Variants in TNR observed in about 807,000 individuals in gnomAD.
The protein encoded by TNR is tenascin-R.
Under a neutral mutation model 150.4 loss-of-function variants are expected in TNR, and 45 were observed. The observed-to-expected ratio is 0.30, with a 90% confidence interval of 0.24 to 0.38. TNR has a LOEUF of 0.38. TNR is among the 10% of genes least tolerant of loss of function. The pLI is 1.00. For missense variants in TNR, 1,544 were observed against 1,759.1 expected, an observed-to-expected ratio of 0.88 and a Z score of 2.19; for synonymous variants, 687 against 678.4, an observed-to-expected ratio of 1.01 and a Z score of -0.20.
At chr1:175,374,056 G>A (rs1198719235) in intron 9 of TNR, among the ~76,000 whole-genome samples, 1 of 152,212 alleles carries the variant, frequency 6.6e-6, no homozygotes, top group African/African-American at 2.4e-5. Flanking sequence ...CCCTGTGCCT[G>A]GTCCTTTCCT....
At chr1:175,592,908 A>T (rs1425252112) in intron 1 of TNR, among the ~76,000 whole-genome samples, 1 of 152,202 alleles carries the variant, frequency 6.6e-6, no homozygotes, top group Non-Finnish European at 1.5e-5. Flanking sequence ...GAAATTCTTC[A>T]AGGGCAAACT....
intron 1 of TNR, among the ~76,000 whole-genome samples, chr1:175,708,906 G>A (rs993977463): frequency 9.9e-5 from 15 of 152,140 alleles, no homozygotes; most frequent in Non-Finnish European, 5.9e-5. Context: ...CAGCTCTGGA[G>A]GGGAAAAGGA....
intron 1 of TNR, among the ~76,000 whole-genome samples, chr1:175,632,589 T>C (rs1664358960): frequency 6.6e-6 from 1 of 152,250 alleles, no homozygotes; most frequent in Admixed American, 6.5e-5. Flanking sequence ...TACTTCTGTA[T>C]ATTTGTAAAG....
intron 2 of TNR, among the ~76,000 whole-genome samples, chr1:175,447,692 G>A (rs887038335): frequency 2.0e-5 from 3 of 152,074 alleles, no homozygotes; most frequent in African/African-American, 7.2e-5. Context: ...GTTGTTGTTA[G>A]TTGCTTTCTA....
chr1:175,408,821 T>C (rs1654074635), intron 2 of TNR, among the ~76,000 whole-genome samples: 1 of 152,252 alleles, frequency 6.6e-6, no homozygotes, highest in South Asian at 2.1e-4. Context: ...GTTCTTCCCC[T>C]AGTCAAGGAC....
At chr1:175,727,083 G>T (rs2101949755) in intron 1 of TNR, among the ~76,000 whole-genome samples, 1 of 152,274 alleles carries the variant, frequency 6.6e-6, no homozygotes, top group East Asian at 1.9e-4. Context: ...CTCACAAGGG[G>T]GCTGCCTAAG....
intron 1 of TNR, among the ~76,000 whole-genome samples, chr1:175,709,904 T>C (rs918683901): frequency 3.3e-5 from 5 of 151,906 alleles, no homozygotes; most frequent in Non-Finnish European, 7.4e-5. Flanking sequence ...GAGGCCAACA[T>C]TGCTGAAACT....
chr1:175,557,474 C>A (rs1270395072), intron 1 of TNR, among the ~76,000 whole-genome samples: 1 of 152,146 alleles, frequency 6.6e-6, no homozygotes, highest in Non-Finnish European at 1.5e-5. Context: ...ACCCTAACAT[C>A]CCTTTTGCAG....
rs190329743 is a variant in TNR at position 175,373,331 on chromosome 1, G to C, written c.1964-6034C>G. On this transcript the variant is annotated intron_variant, in intron 9 of 22. Coordinates refer to ENST00000367674, the MANE Select transcript of TNR (RefSeq NM_003285.3). The stretch of plus-strand genomic sequence containing the variant: ...TGGAGACCAGAGGTTTCATGGGGGA[G>C]ATATGTGGAGAATATCTTTGGAGAG... Among the ~76,000 whole-genome samples the C allele has an allele frequency of 2.8e-4, 42 of 152,176 alleles. 1 individual carries two copies. Among genetic ancestry groups the C allele is most frequent in the Admixed American group, 6.5e-5 (1 of 15,272 alleles).
chr1:175,462,249 T>C (rs1322167468), intron 2 of TNR, among the ~76,000 whole-genome samples: 1 of 152,190 alleles, frequency 6.6e-6, no homozygotes, highest in Admixed American at 6.5e-5. Context: ...TTGGTGTATG[T>C]GGAAGATGAC....
chr1:175,506,030 ACT>A (rs1658945113), intron 2 of TNR, among the ~76,000 whole-genome samples: 2 of 152,340 alleles, frequency 1.3e-5, no homozygotes, highest in South Asian at 4.1e-4. Context: ...ACATAGTGAG[ACT>A]CTGTCTCAGA....
In TNR at chr1:175,393,815, A is replaced by C; in HGVS notation, c.1321T>G (p.Ser441Ala). ...VEVQWEPFSFSFDGWEISFIP... is the reference protein window; with the variant it reads ...VEVQWEPFSFAFDGWEISFIP... ...AAGCTGATTTCCCACCCATCGAAGG[A>C]AAATGAGAAGGGCTCCCACTGCACC... Residue 441 changes from serine to alanine, a missense_variant, in exon 6 of 23, where the codon TCC becomes GCC. Transcript: ENST00000367674. 2 of 1,614,138 alleles carry C rather than the reference A, an allele frequency of 1.2e-6. No homozygotes were observed. The highest frequency in any genetic ancestry group is 1.7e-6 in the Non-Finnish European group (2 of 1,179,956).
chr1:175,367,074 G>T, intron 10 of TNR, 134 bp downstream of exon 10: 2 of 715,166 alleles, frequency 2.8e-6, no homozygotes, highest in Non-Finnish European at 4.8e-6. Context: ...TTGTTTCTAG[G>T]CTGACAGTTG....
intron 8 of TNR, among the ~76,000 whole-genome samples, chr1:175,380,911 C>A (rs527562435): frequency 6.6e-6 from 1 of 152,292 alleles, no homozygotes; most frequent in African/African-American, 2.4e-5. Context: ...TATGCAAAAG[C>A]AAGGCAAGTT....
chr1:175,503,211 T>C (rs1410021001), intron 2 of TNR, among the ~76,000 whole-genome samples: 2 of 152,158 alleles, frequency 1.3e-5, no homozygotes, highest in African/African-American at 4.8e-5. Flanking sequence ...CGCAGCTGAA[T>C]GGGCCTCTGA....
At chr1:175,666,300 C>T (rs1665530874) in intron 1 of TNR, among the ~76,000 whole-genome samples, 1 of 152,278 alleles carries the variant, frequency 6.6e-6, no homozygotes, top group African/African-American at 2.4e-5. Context: ...GGTGTTGGTG[C>T]TTTCCCTTCC....
intron 1 of TNR, among the ~76,000 whole-genome samples, chr1:175,732,905 G>A (rs572644160): frequency 5.7e-4 from 87 of 152,194 alleles, no homozygotes; most frequent in Non-Finnish European, 1.1e-3. Context: ...TCATGTAGAT[G>A]TTAGCGATTA....
chr1:175,710,744 C>T (rs771931574), intron 1 of TNR, among the ~76,000 whole-genome samples: 1 of 152,194 alleles, frequency 6.6e-6, no homozygotes, highest in Non-Finnish European at 1.5e-5. Flanking sequence ...AGGAGTCTCA[C>T]TCACTCCCTT....
chr1:175,474,074 A>T (rs907827038), intron 2 of TNR, among the ~76,000 whole-genome samples: 1 of 152,136 alleles, frequency 6.6e-6, no homozygotes, highest in Admixed American at 6.6e-5. Flanking sequence ...TTTCGATTTA[A>T]TACATGTTAT....
Sources: allele counts gnomAD v4.1 joint callset (sites outside exome capture counted in the v4.1 genomes callset), GRCh38; gene constraint gnomAD v4.1.1; transcripts MANE v1.5; gene names NCBI Gene and HGNC (gene_info 2026-07-23, HGNC 2026-07-21).